The following ACSL5 variants were observed in gnomAD, a reference collection of about 807,000 sequenced individuals.
ACSL5 encodes long-chain-fatty-acid--CoA ligase 5.
In ACSL5, 50 loss-of-function variants were observed where a neutral mutation model predicts 84.9. The observed-to-expected ratio is 0.59, with a 90% confidence interval of 0.47 to 0.75. The LOEUF (loss-of-function observed/expected upper bound fraction) is 0.75. ACSL5 is among the 30% of genes least tolerant of loss of function. ACSL5 has a pLI of 0.00. For missense variants in ACSL5, 775 were observed against 830.4 expected, an observed-to-expected ratio of 0.93 and a Z score of 0.82; for synonymous variants, 280 against 300.7, an observed-to-expected ratio of 0.93 and a Z score of 0.71.
Position 112,417,031 on chromosome 10 carries a change from G to A in ACSL5, c.1218+9G>A. ...TCTTTGCAAAGATCCAGGTAGGTTG[G>A]GCAGGTCCTGGACTGAAGCAGGCAA... On this transcript the variant is annotated intron_variant, in intron 13 of 20. Coordinates refer to ENST00000354655, the MANE Select transcript of ACSL5 (RefSeq NM_203379.2). 1.2e-6 allele frequency: 2 copies of A among 1,613,122 alleles called. No homozygotes were observed. Among genetic ancestry groups the A allele is most frequent in the Non-Finnish European group, 1.7e-6 (2 of 1,179,358 alleles).
intron 14 of ACSL5, among the ~76,000 whole-genome samples, chr10:112,421,080 T>C (rs1374899333): frequency 6.6e-6 from 1 of 152,212 alleles, no homozygotes; most frequent in Non-Finnish European, 1.5e-5. Flanking sequence ...ACCCTTTTGG[T>C]TTCTGAATGG....
chr10:112,417,861 AG>A lies in ACSL5; in HGVS notation c.1237del (p.Val413PhefsTer3). 2 of 1,614,128 alleles carry A rather than the reference AG, an allele frequency of 1.2e-6. No individual in the cohort carries two copies. The highest frequency in any genetic ancestry group is 8.5e-7 in the Non-Finnish European group (1 of 1,179,994). On this transcript the variant is annotated frameshift_variant, in exon 14 of 21. Coordinates refer to ENST00000354655, the MANE Select transcript of ACSL5 (RefSeq NM_203379.2). LOFTEE classifies it high-confidence loss of function. ...CACTGAACAGGACAGCCTGGGCGGA[AG>A]GGTTCGTGTAATTGTCACTGGAGCT... ...FAKIQDSLGGRVRVIVTGAAP... is the reference protein window; with the variant it reads ...FAKIQDSLGGXVRVIVTGAAP...
chr10:112,393,926 A>G (rs1033547155), intron 1 of ACSL5, among the ~76,000 whole-genome samples: 1 of 152,198 alleles, frequency 6.6e-6, no homozygotes, highest in East Asian at 1.9e-4. Context: ...AATTAAACAA[A>G]CCATGCAAAA....
At chr10:112,397,214 G>A (rs1314827985) in intron 2 of ACSL5, among the ~76,000 whole-genome samples, 1 of 149,380 alleles carries the variant, frequency 6.7e-6, no homozygotes, top group East Asian at 2.0e-4. Flanking sequence ...TGTCCCCCAG[G>A]TTGGAGTGCA....
chr10:112,419,346 C>A (rs1316356532), intron 14 of ACSL5: 1 of 152,044 alleles, frequency 6.6e-6, no homozygotes, highest in Admixed American at 6.6e-5. Flanking sequence ...TATATTTTAT[C>A]CATGAATTAT....
At chr10:112,423,746 A>T (rs1300246094) in intron 17 of ACSL5, among the ~76,000 whole-genome samples, 4 of 152,154 alleles carry the variant, frequency 2.6e-5, no homozygotes, top group African/African-American at 9.7e-5. Context: ...AGCCAGGGAA[A>T]AATTAGGTGA....
At chr10:112,425,832 G>A (rs1254267314) in intron 18 of ACSL5, among the ~76,000 whole-genome samples, 1 of 151,616 alleles carries the variant, frequency 6.6e-6, no homozygotes, top group African/African-American at 2.4e-5. Context: ...ACAAACTGTT[G>A]CAATATATAT....
intron 5 of ACSL5, among the ~76,000 whole-genome samples, chr10:112,405,993 C>A (rs1226378279): frequency 2.0e-5 from 3 of 151,556 alleles, no homozygotes; most frequent in Non-Finnish European, 2.9e-5. Flanking sequence ...TCAGACCTGG[C>A]AGAGGTGGAA....
intron 1 of ACSL5, among the ~76,000 whole-genome samples, chr10:112,385,753 C>A (rs562037191): frequency 1.3e-5 from 2 of 152,124 alleles, no homozygotes; most frequent in Non-Finnish European, 2.9e-5. Flanking sequence ...TTTTCCTCAA[C>A]GTGTCTTTGT....
intron 3 of ACSL5, among the ~76,000 whole-genome samples, 195 bp downstream of exon 3, chr10:112,399,204 G>A (rs1445520367): frequency 6.6e-6 from 1 of 152,196 alleles, no homozygotes; most frequent in African/African-American, 2.4e-5. Context: ...ACGGACTTAG[G>A]TTTGAAACCT....
At chr10:112,419,131 TAA>T (rs1564742915) in intron 14 of ACSL5, 1 of 102,224 alleles carries the variant, frequency 9.8e-6, no homozygotes, top group East Asian at 2.0e-4. Flanking sequence ...TGTGTGTGTG[TAA>T]TAATGTATAT....
intron 1 of ACSL5, among the ~76,000 whole-genome samples, chr10:112,378,809 C>G (rs542168864): frequency 2.0e-5 from 3 of 152,324 alleles, no homozygotes; most frequent in East Asian, 3.9e-4. Flanking sequence ...AAGGGACTCT[C>G]TCACCAACTT....
chr10:112,397,273 G>A (rs761186270), intron 2 of ACSL5, among the ~76,000 whole-genome samples: 1 of 151,392 alleles, frequency 6.6e-6, no homozygotes, highest in Admixed American at 6.6e-5. Context: ...AGGTTCAAGC[G>A]ATTCTCCTGC....
At chr10:112,421,742 A>G (rs1844470779) in intron 15 of ACSL5, 77 bp downstream of exon 15, 7 of 1,462,774 alleles carry the variant, frequency 4.8e-6, no homozygotes. Context: ...TTTGGAGTTT[A>G]GATAACTTCA....
rs370491618 is a variant in ACSL5, at chr10:112,426,771, A to G, written c.1840-17A>G. On this transcript the variant is annotated splice_polypyrimidine_tract_variant and intron_variant, in intron 19 of 20. Coordinates refer to ENST00000354655, the MANE Select transcript of ACSL5 (RefSeq NM_203379.2). ...TTTTGAAACAGCCATGCTTTAAGTG[A>G]TGTTTTGTATTCTTAGGTTGTAAGG... is the stretch of plus-strand genomic sequence containing the variant. The G allele has an allele frequency of 1.2e-6, 2 of 1,611,390 alleles. No individual in the cohort carries two copies. The highest frequency in any genetic ancestry group is 1.1e-5 in the South Asian group (1 of 90,972).
rs987253253 is a variant in ACSL5, at chr10:112,421,808, T to C, written c.1388-139T>C. On this transcript the variant is annotated intron_variant, in intron 15 of 20. Transcript: ENST00000354655. ...TTCAAGTTTTGGGTCCAGGCCTGCC[T>C]ATCTTGGCTAGTCTGCATTGGTGCC... 62 of 1,274,280 alleles carry C rather than the reference T, an allele frequency of 4.9e-5. No individual in the cohort carries two copies. The South Asian group carries it at 6.5e-4, about 13-fold the overall frequency. 78.9% of individuals were successfully genotyped at this position (1,274,280 alleles called of 1,614,324 possible).
intron 2 of ACSL5, among the ~76,000 whole-genome samples, chr10:112,397,635 T>A (rs964750161): frequency 1.3e-5 from 2 of 152,248 alleles, no homozygotes; most frequent in African/African-American, 4.8e-5. Context: ...TGCCTACTTG[T>A]CTTCAAAGTC....
Position 112,399,026 on chromosome 10 carries a change from G to A in ACSL5, c.265+17G>A. The A allele has an allele frequency of 1.2e-6, 2 of 1,601,224 alleles. No homozygotes were observed. The highest frequency in any genetic ancestry group is 1.1e-5 in the South Asian group (1 of 90,846). On this transcript the variant is annotated intron_variant, in intron 3 of 20. Transcript: ENST00000354655. Reference sequence around the variant, plus strand: ...CTGTGTCTGGTAAGCCTGGTGGTCTGTCCTTGCCTGAAGAAGACAAGGTGA... The same window carrying A: ...CTGTGTCTGGTAAGCCTGGTGGTCTATCCTTGCCTGAAGAAGACAAGGTGA...
At chr10:112,399,444 A>G (rs1211943093) in intron 3 of ACSL5, among the ~76,000 whole-genome samples, 1 of 152,214 alleles carries the variant, frequency 6.6e-6, no homozygotes, top group African/African-American at 2.4e-5. Context: ...CAGGACTAGC[A>G]GTCCAGGATT....
Sources: gnomAD v4.1 joint callset for allele counts (sites outside exome capture counted in the v4.1 genomes callset) on GRCh38, gnomAD v4.1.1 for gene constraint, MANE v1.5 for transcripts, NCBI Gene and HGNC (gene_info 2026-07-23, HGNC 2026-07-21) for gene names.